MYLK: variants seen among roughly 807,000 people sequenced by gnomAD.
MYLK encodes myosin light chain kinase, also known as myosin light chain kinase, smooth muscle.
Under a neutral mutation model 203.4 loss-of-function variants are expected in MYLK, and 106 were observed. The ratio of observed to expected loss-of-function variants is 0.52; its 90% CI spans 0.45 to 0.61. MYLK has a LOEUF of 0.61. Ranked by LOEUF, MYLK falls within the 20% of genes least tolerant of loss-of-function variation. The pLI is 0.00. For missense variants in MYLK, 2,072 were observed against 2,442.3 expected (o/e 0.85, Z 3.20); for synonymous variants, 867 against 959.5 (o/e 0.90, Z 1.78).
rs575961081 is a variant in MYLK, at chr3:123,648,341, G to A, written c.4415+630C>T. Among the ~76,000 whole-genome samples, 17 of 152,330 alleles carry A rather than the reference G, an allele frequency of 1.1e-4. No homozygotes were observed. The highest frequency in any genetic ancestry group is 3.4e-4 in the African/African-American group (14 of 41,584). On this transcript the variant is annotated intron_variant, in intron 26 of 33. Coordinates refer to ENST00000360304, the MANE Select transcript of MYLK (RefSeq NM_053025.4). The surrounding 1 kb of genome is among the most constrained non-coding windows in gnomAD (Gnocchi z 4.5). ...TGAGGGAGCTTGATGACTGCTGCGCGTTTAATGGAGCACTAACGCAGGCAT... is the reference window on the plus strand; with the variant it reads ...TGAGGGAGCTTGATGACTGCTGCGCATTTAATGGAGCACTAACGCAGGCAT...
In MYLK at chr3:123,614,028, G is replaced by GTTTTTTTTTT; in HGVS notation, c.*67_*76dup. On this transcript the variant is annotated 3_prime_UTR_variant, in exon 34 of 34. Transcript: ENST00000360304. ...ACACTAGGTGCTTTTACTATCTTGAGTTTTTTTTTTTTTTTTGAGTTTTAG... is the reference window on the plus strand; with the variant it reads ...ACACTAGGTGCTTTTACTATCTTGAGTTTTTTTTTTTTTTTTTTTTTTTTTTGAGTTTTAG... 1 of 1,163,654 alleles carries GTTTTTTTTTT rather than the reference G, an allele frequency of 8.6e-7. No individual in the cohort carries two copies. Among genetic ancestry groups the GTTTTTTTTTT allele is most frequent in the Non-Finnish European group, 1.2e-6 (1 of 839,062 alleles). The allele number at this position is 1,163,654 out of a possible 1,614,324, so 72.1% of individuals were successfully genotyped here. A position where few individuals can be genotyped will look rare whatever the true frequency, so the allele number is the denominator to read the frequency against.
intron 20 of MYLK, among the ~76,000 whole-genome samples, chr3:123,668,493 G>C (rs1411182046): frequency 1.3e-5 from 2 of 150,932 alleles, no homozygotes; most frequent in African/African-American, 4.9e-5. Context: ...ATTAATGAAT[G>C]GTTGCCAGAG....
Position 123,752,445 on chromosome 3 carries a change from C to T in MYLK, c.259G>A (p.Gly87Arg), listed in dbSNP as rs1576848161. 1 of 1,614,202 alleles carries T rather than the reference C, an allele frequency of 6.2e-7. No individual in the cohort carries two copies. The highest frequency in any genetic ancestry group is 1.1e-5 in the South Asian group (1 of 91,080). Reference sequence around the variant, plus strand: ...GCATGAATCACAAGGCTGAAAGTCCCCCGGATGCCGCAATCCAGCAGGAAG... The same window carrying T: ...GCATGAATCACAAGGCTGAAAGTCCTCCGGATGCCGCAATCCAGCAGGAAG... The part of the protein sequence containing the change: ...GRFLLDCGIR[G>R]TFSLVIHAVH... The change falls in exon 5 of 34, where the codon GGG (glycine) becomes AGG (arginine). Residue 87 changes from glycine to arginine, a missense_variant. By Grantham distance (125) the Gly-to-Arg change is moderately radical. Transcript: ENST00000360304.
At chr3:123,812,526 A>G (rs934461428) in intron 3 of MYLK, among the ~76,000 whole-genome samples, 1 of 152,150 alleles carries the variant, frequency 6.6e-6, no homozygotes, top group African/African-American at 2.4e-5. Flanking sequence ...GTTTCCCCTT[A>G]TCTCTTAACT....
At chr3:123,861,489 A>G (rs2031915960) in intron 2 of MYLK, among the ~76,000 whole-genome samples, 7 of 152,270 alleles carry the variant, frequency 4.6e-5, no homozygotes, top group Admixed American at 4.6e-4. Flanking sequence ...ATCAGTTATT[A>G]CTGTTGGAAG....
At chr3:123,617,988 T>C (rs1298928268) in intron 33 of MYLK, 1 of 153,080 alleles carries the variant, frequency 6.5e-6, no homozygotes, top group African/African-American at 2.4e-5. Context: ...GGCTCCCAAC[T>C]GGCCTCAGTC....
chr3:123,768,351 C>G (rs1326897127), intron 4 of MYLK, among the ~76,000 whole-genome samples: 1 of 152,208 alleles, frequency 6.6e-6, no homozygotes, highest in African/African-American at 2.4e-5. Flanking sequence ...TCTTCTGCCC[C>G]TGGGAAGGAC....
intron 19 of MYLK, 105 bp from the exon 20 acceptor site, chr3:123,682,415 G>A (rs1321711677): frequency 5.5e-6 from 5 of 915,890 alleles, no homozygotes; most frequent in African/African-American, 1.6e-5. Context: ...CCCCAACTCT[G>A]AGGGCCCTTT....
intron 14 of MYLK, chr3:123,709,363 G>C (rs540696680): frequency 2.1e-5 from 6 of 281,010 alleles, no homozygotes; most frequent in South Asian, 1.2e-4. Context: ...GGATGGTCTC[G>C]ATCTCCTGAC....
chr3:123,740,046 G>C, intron 5 of MYLK, 45 bp from the exon 6 acceptor site: 1 of 1,604,784 alleles, frequency 6.2e-7, no homozygotes, highest in Non-Finnish European at 8.5e-7. Context: ...CCACCAACTT[G>C]GAGCAATGAA....
intron 2 of MYLK, among the ~76,000 whole-genome samples, chr3:123,861,774 C>T (rs79223599): frequency 6.6e-6 from 1 of 152,158 alleles, no homozygotes; most frequent in Non-Finnish European, 1.5e-5. Context: ...TGCTTCCTGC[C>T]TATATGGAGA....
chr3:123,779,753 G>C (rs562752502), intron 4 of MYLK, among the ~76,000 whole-genome samples: 1 of 152,062 alleles, frequency 6.6e-6, no homozygotes, highest in Non-Finnish European at 1.5e-5. Context: ...TCTCCCACCC[G>C]CCTTTATTTC....
At chr3:123,852,920 C>T (rs1201110292) in intron 2 of MYLK, among the ~76,000 whole-genome samples, 1 of 152,102 alleles carries the variant, frequency 6.6e-6, no homozygotes, top group Non-Finnish European at 1.5e-5. Flanking sequence ...TCCAGTCTCC[C>T]CATATTTGAC....
chr3:123,625,706 GC>G (rs1273581498), intron 31 of MYLK, among the ~76,000 whole-genome samples: 1 of 150,314 alleles, frequency 6.7e-6, no homozygotes, highest in East Asian at 2.0e-4. Context: ...TACTTGGGAG[GC>G]TGAGGCAGGA....
At position 123,808,575 on chromosome 3, in the gene MYLK, C is replaced by A. The variant is rs972132310; in HGVS notation, c.-3-14731G>T. 2.2e-4 allele frequency among the ~76,000 whole-genome samples: 34 copies of A among 152,306 alleles called. 1 individual carries two copies. The highest frequency in any genetic ancestry group is 7.9e-4 in the African/African-American group (33 of 41,580). Reference sequence around the variant, plus strand: ...TTTCTGCAAGCTGCTACAGGCTACACCCCAAGCCCCTAACCCTAGAATACA... The same window carrying A: ...TTTCTGCAAGCTGCTACAGGCTACAACCCAAGCCCCTAACCCTAGAATACA... On this transcript the variant is annotated intron_variant, in intron 3 of 33. Transcript: ENST00000360304.
At position 123,629,044 on chromosome 3, in the gene MYLK, AC is replaced by A. The variant is rs1424217250; in HGVS notation, c.5114+429del. Among the ~76,000 whole-genome samples the A allele has an allele frequency of 6.6e-6, 1 of 152,216 alleles. No individual in the cohort carries two copies. The highest frequency in any genetic ancestry group is 2.4e-5 in the African/African-American group (1 of 41,456). On this transcript the variant is annotated intron_variant, in intron 30 of 33. Coordinates refer to ENST00000360304, the MANE Select transcript of MYLK (RefSeq NM_053025.4). The surrounding 1 kb of genome is among the most constrained non-coding windows in gnomAD (Gnocchi z 4.4). ...TAATCTGGGGATATGATCGGGACCC[AC>A]AGAGAAGTTCTAAGATGCCCGTGTC...
chr3:123,619,519 A>C (rs2057724333), intron 32 of MYLK, among the ~76,000 whole-genome samples: 1 of 152,220 alleles, frequency 6.6e-6, no homozygotes, highest in Non-Finnish European at 1.5e-5. Flanking sequence ...TGGATACAAA[A>C]AGCACCAGGC....
At chr3:123,658,756 G>A (rs2059469067) in intron 23 of MYLK, among the ~76,000 whole-genome samples, 1 of 152,204 alleles carries the variant, frequency 6.6e-6, no homozygotes, top group Non-Finnish European at 1.5e-5. Flanking sequence ...GAAGGCCAAA[G>A]GCAATGGCTG....
intron 24 of MYLK, among the ~76,000 whole-genome samples, chr3:123,654,116 G>A (rs1225869094): frequency 6.6e-6 from 1 of 151,672 alleles, no homozygotes; most frequent in Non-Finnish European, 1.5e-5. Context: ...TGCGAAAGCT[G>A]TCCCAGGAGC....
Sources: gnomAD v4.1 joint callset for allele counts (sites outside exome capture counted in the v4.1 genomes callset) on GRCh38, gnomAD v4.1.1 for gene constraint, Gnocchi (gnomAD v3.1) non-coding constraint, MANE v1.5 for transcripts, NCBI Gene and HGNC (gene_info 2026-07-23, HGNC 2026-07-21) for gene names.